Variants in GMEB2 observed in about 807,000 individuals in gnomAD.
GMEB2 encodes glucocorticoid modulatory element binding protein 2, also known as glucocorticoid modulatory element-binding protein 2.
Under a neutral mutation model 45.7 loss-of-function variants are expected in GMEB2, and 7 were observed. That is an observed-to-expected ratio of 0.15 (90% CI 0.09 to 0.29). The LOEUF (loss-of-function observed/expected upper bound fraction) is 0.29, where lower values mean the gene tolerates loss of function less well. Ranked by LOEUF, GMEB2 falls within the 10% of genes least tolerant of loss-of-function variation. The probability of loss-of-function intolerance (pLI) is 1.00; values close to 1 mark genes in which losing one functional copy is unlikely to be tolerated. For missense variants in GMEB2, 582 were observed against 739.2 expected (o/e 0.79, Z 2.47); for synonymous variants, 322 against 323.6 (o/e 1.00, Z 0.05).
chr20:63,625,865 G>A (rs1436706534), intron 1 of GMEB2, among the ~76,000 whole-genome samples: 2 of 152,108 alleles, frequency 1.3e-5, no homozygotes, highest in African/African-American at 4.8e-5. Flanking sequence ...CAAAGTGGTG[G>A]GATTACAGGT....
chr20:63,613,704 G>A lies in GMEB2; in HGVS notation c.131+5563C>T, dbSNP rs183208091. Among the ~76,000 whole-genome samples the A allele has an allele frequency of 1.4e-3, 218 of 151,998 alleles. 2 individuals carry two copies. The highest frequency in any genetic ancestry group is 5.0e-3 in the African/African-American group (206 of 41,446). ...TAATTTTTGTACTTTTAGTAGAGAC[G>A]GGGTTTCACCATGTTGGCCAGACTG... On this transcript the variant is annotated intron_variant, in intron 2 of 9. Coordinates refer to ENST00000370077, the MANE Select transcript of GMEB2 (RefSeq NM_012384.5).
chr20:63,604,944 T>C, intron 2 of GMEB2, 104 bp from the exon 3 acceptor site: 1 of 738,284 alleles, frequency 1.4e-6, no homozygotes, highest in Non-Finnish European at 2.5e-6. Context: ...TACACTCTTC[T>C]AACTGAATTC....
chr20:63,599,562 T>C, intron 4 of GMEB2, among the ~76,000 whole-genome samples: 1 of 152,256 alleles, frequency 6.6e-6, no homozygotes, highest in Non-Finnish European at 1.5e-5. Flanking sequence ...CTGCCACCTC[T>C]GCTCCTGCGC....
intron 2 of GMEB2, among the ~76,000 whole-genome samples, chr20:63,612,839 G>A (rs2089580891): frequency 6.6e-6 from 1 of 152,208 alleles, no homozygotes; most frequent in Admixed American, 6.5e-5. Flanking sequence ...GCTGTCAGCT[G>A]ACGACAGGGG....
rs2146093505 is a variant in GMEB2, at chr20:63,619,941, TTTTTTGGG to T, written c.-57-495_-57-488del. 6.6e-6 allele frequency: 1 copy of T among 152,474 alleles called. No individual in the cohort carries two copies. Among genetic ancestry groups the T allele is most frequent in the East Asian group, 1.9e-4 (1 of 5,170 alleles). 9.4% of individuals were successfully genotyped at this position (152,474 alleles called of 1,614,324 possible). On this transcript the variant is annotated intron_variant, in intron 1 of 9. Transcript: ENST00000370077. The surrounding 1 kb of genome is among the most constrained non-coding windows in gnomAD (Gnocchi z 4.6). ...AAGAGAGGAGGGAAACGCCCTGGGT[TTTTTTGGG>T]TTTTTGGGTTTTTTTTGAGACGGAG...
intron 2 of GMEB2, among the ~76,000 whole-genome samples, chr20:63,614,924 C>T (rs1036449715): frequency 7.2e-5 from 11 of 152,130 alleles, no homozygotes; most frequent in Non-Finnish European, 1.3e-4. Flanking sequence ...CAATAAATAG[C>T]GCAACCTGGC....
At chr20:63,625,813 C>G (rs768961798) in intron 1 of GMEB2, among the ~76,000 whole-genome samples, 26 of 151,964 alleles carry the variant, frequency 1.7e-4, no homozygotes, top group Non-Finnish European at 2.8e-4. Context: ...AGCCAGGCTG[C>G]TCTCAAACTC....
intron 2 of GMEB2, among the ~76,000 whole-genome samples, chr20:63,609,103 G>C: frequency 9.8e-6 from 1 of 102,246 alleles, no homozygotes; most frequent in Admixed American, 9.9e-5. Context: ...ATGCCCCTCT[G>C]ACCCACCTCC....
chr20:63,599,563 G>A (rs1226883476), intron 4 of GMEB2, among the ~76,000 whole-genome samples: 2 of 152,224 alleles, frequency 1.3e-5, no homozygotes, highest in African/African-American at 4.8e-5. Flanking sequence ...TGCCACCTCT[G>A]CTCCTGCGCT....
Position 63,588,677 on chromosome 20 carries a change from G to C in GMEB2, c.*1412C>G. ...GCCAGCCAGTTCCCTTCGGAGCAGTGAAGTGGGACACAGGACCCTCGCATT... is the reference window on the plus strand; with the variant it reads ...GCCAGCCAGTTCCCTTCGGAGCAGTCAAGTGGGACACAGGACCCTCGCATT... On this transcript the variant is annotated 3_prime_UTR_variant, in exon 10 of 10. Transcript: ENST00000370077. 2.5e-6 allele frequency: 1 copy of C among 398,256 alleles called. No individual in the cohort carries two copies. The highest frequency in any genetic ancestry group is 4.4e-6 in the Non-Finnish European group (1 of 226,120). 24.7% of individuals were successfully genotyped at this position (398,256 alleles called of 1,614,324 possible). A position where few individuals can be genotyped will look rare whatever the true frequency, so the allele number is the denominator to read the frequency against.
intron 1 of GMEB2, among the ~76,000 whole-genome samples, chr20:63,621,508 A>T (rs2089642060): frequency 6.6e-6 from 1 of 152,074 alleles, no homozygotes; most frequent in South Asian, 2.1e-4. Flanking sequence ...TTGACTAAAA[A>T]TACTAAAAAT....
In GMEB2 at chr20:63,593,096, G is replaced by A. The variant is rs376511319; in HGVS notation, c.620-14C>T. The A allele has an allele frequency of 1.4e-4, 228 of 1,577,700 alleles. No homozygotes were observed. Among genetic ancestry groups the A allele is most frequent in the Non-Finnish European group, 1.4e-4 (163 of 1,149,418 alleles). On this transcript the variant is annotated splice_polypyrimidine_tract_variant and intron_variant, in intron 6 of 9. Transcript: ENST00000370077. The surrounding 1 kb of genome is among the most constrained non-coding windows in gnomAD (Gnocchi z 4.7). ...GAGACCCATTCACTGCAGCCGAAAG[G>A]GAACCTCGGGTGAGTGCTGTTTGGA...
rs2083123846 is a variant in GMEB2, at chr20:63,589,453, C to G, written c.*636G>C. 2 of 341,934 alleles carry G rather than the reference C, an allele frequency of 5.8e-6. No homozygotes were observed. The highest frequency in any genetic ancestry group is 9.7e-5 in the Admixed American group (2 of 20,694). 21.2% of individuals were successfully genotyped at this position (341,934 alleles called of 1,614,324 possible). On this transcript the variant is annotated 3_prime_UTR_variant, in exon 10 of 10. Transcript: ENST00000370077. Reference sequence around the variant, plus strand: ...CTCGTCTGTGCGGCCCCTGGGCCACCTGAGCACCGGCTGGGGGCGGGGGAG... The same window carrying G: ...CTCGTCTGTGCGGCCCCTGGGCCACGTGAGCACCGGCTGGGGGCGGGGGAG...
chr20:63,588,646 C>T lies in GMEB2; in HGVS notation c.*1443G>A, dbSNP rs2083115542. 1.0e-5 allele frequency: 4 copies of T among 397,782 alleles called. No individual in the cohort carries two copies. The highest frequency in any genetic ancestry group is 1.4e-4 in the South Asian group (1 of 7,068). The allele number at this position is 397,782 out of a possible 1,614,324, so 24.6% of individuals were successfully genotyped here. The stretch of plus-strand genomic sequence containing the variant: ...GGTGGGGTCTGGGCCGCTCACTGGA[C>T]GGACAGCCAGCCAGTTCCCTTCGGA... On this transcript the variant is annotated 3_prime_UTR_variant, in exon 10 of 10. Transcript: ENST00000370077.
At position 63,590,061 on chromosome 20, in the gene GMEB2, C is replaced by T. The variant is rs770077487; in HGVS notation, c.*28G>A. On this transcript the variant is annotated 3_prime_UTR_variant, in exon 10 of 10. Transcript: ENST00000370077. ...CGGCTGAGAGACAGCCAGCCCTGTC[C>T]GTCCCAGGGGCCTCGCCCTCCTGTC... The T allele has an allele frequency of 3.0e-5, 45 of 1,489,996 alleles. No homozygotes were observed. Among genetic ancestry groups the T allele is most frequent in the East Asian group, 4.7e-5 (2 of 42,906 alleles). 92.3% of individuals were successfully genotyped at this position (1,489,996 alleles called of 1,614,324 possible).
intron 4 of GMEB2, among the ~76,000 whole-genome samples, chr20:63,602,042 CCTGTGGCTT>C (rs1309474646): frequency 2.0e-5 from 3 of 152,220 alleles, no homozygotes; most frequent in African/African-American, 4.8e-5. Context: ...TTCTGTGCAG[CCTGTGGCTT>C]CTGTGGCTTC....
intron 1 of GMEB2, among the ~76,000 whole-genome samples, chr20:63,622,659 CA>C (rs2089647818): frequency 6.6e-6 from 1 of 152,128 alleles, no homozygotes; most frequent in Non-Finnish European, 1.5e-5. Context: ...TAAAGGGCCA[CA>C]GGCAAGATAA....
At chr20:63,612,169 A>G (rs892562238) in intron 2 of GMEB2, among the ~76,000 whole-genome samples, 1 of 152,258 alleles carries the variant, frequency 6.6e-6, no homozygotes, top group Non-Finnish European at 1.5e-5. Flanking sequence ...TATAAAAAAT[A>G]GAAAATTTAA....
At chr20:63,594,921 G>A (rs200886473) in intron 6 of GMEB2, among the ~76,000 whole-genome samples, 1 of 152,154 alleles carries the variant, frequency 6.6e-6, no homozygotes, top group East Asian at 1.9e-4. Flanking sequence ...GCTAACTTCT[G>A]TACTTTTAAT....
Sources: gnomAD v4.1 joint callset for allele counts (sites outside exome capture counted in the v4.1 genomes callset) on GRCh38, gnomAD v4.1.1 for gene constraint, Gnocchi (gnomAD v3.1) non-coding constraint, MANE v1.5 for transcripts, NCBI Gene and HGNC (gene_info 2026-07-23, HGNC 2026-07-21) for gene names.